SLIT3: variants seen among roughly 807,000 people sequenced by gnomAD.
The protein encoded by SLIT3 is slit guidance ligand 3.
SLIT3 carries 68 observed loss-of-function variants against 184.0 expected under a neutral mutation model. The ratio of observed to expected loss-of-function variants is 0.37; its 90% CI spans 0.30 to 0.45. SLIT3 has a LOEUF of 0.45. Among genes scored for constraint, SLIT3 ranks in the 20% least tolerant of loss-of-function variants. SLIT3 has a pLI of 1.00. For missense variants in SLIT3, 1,707 were observed against 2,026.0 expected, an observed-to-expected ratio of 0.84 and a Z score of 3.02; for synonymous variants, 831 against 828.6, an observed-to-expected ratio of 1.00 and a Z score of -0.05.
chr5:168,991,626 A>T (rs961303614), intron 4 of SLIT3, among the ~76,000 whole-genome samples: 1 of 152,234 alleles, frequency 6.6e-6, no homozygotes, highest in African/African-American at 2.4e-5. Context: ...GGGATCTATC[A>T]GGGAGGACGA....
At chr5:169,262,852 A>G (rs1766244615) in intron 1 of SLIT3, among the ~76,000 whole-genome samples, 1 of 152,208 alleles carries the variant, frequency 6.6e-6, no homozygotes, top group Non-Finnish European at 1.5e-5. Flanking sequence ...AGAAGCCCTC[A>G]AAGTCCTGCG....
At chr5:168,852,783 T>C (rs1758725979) in intron 5 of SLIT3, among the ~76,000 whole-genome samples, 1 of 152,236 alleles carries the variant, frequency 6.6e-6, no homozygotes, top group Non-Finnish European at 1.5e-5. Context: ...TTTGTAACTA[T>C]GCAAACTAAG....
intron 31 of SLIT3, among the ~76,000 whole-genome samples, chr5:168,685,155 G>T (rs1470073876): frequency 2.6e-5 from 4 of 152,084 alleles, no homozygotes; most frequent in Non-Finnish European, 5.9e-5. Flanking sequence ...CACCATGTTG[G>T]CCAGGTTGGT....
rs758787161 is a variant in SLIT3 at position 168,671,386 on chromosome 5, G to A, written c.3939C>T (p.Asn1313=). 3.3e-5 allele frequency: 53 copies of A among 1,614,030 alleles called. No individual in the cohort carries two copies. The highest frequency in any genetic ancestry group is 4.4e-5 in the South Asian group (4 of 91,088). The change falls in exon 34 of 36, where the codon AAC becomes AAT. Residue 1313 remains asparagine, a synonymous_variant. Transcript: ENST00000519560. ...HGCIHEVRIN[N]ELQDFKALPP... ...GGAGGGCCTTGAAGTCCTGCAGCTC[G>A]TTGTTGATGCGCACCTCATGGATGC...
chr5:169,292,648 C>A (rs1767394236), intron 1 of SLIT3, among the ~76,000 whole-genome samples: 1 of 152,166 alleles, frequency 6.6e-6, no homozygotes, highest in Middle Eastern at 3.4e-3. Context: ...ATCCATAGGG[C>A]AAGCTCATTA....
intron 6 of SLIT3, among the ~76,000 whole-genome samples, chr5:168,830,264 T>C (rs999773594): frequency 6.6e-6 from 1 of 152,100 alleles, no homozygotes; most frequent in East Asian, 1.9e-4. Context: ...AGGGCCTCCA[T>C]CCTCAGCACC....
At chr5:168,970,022 A>G (rs1014156417) in intron 4 of SLIT3, among the ~76,000 whole-genome samples, 31 of 152,192 alleles carry the variant, frequency 2.0e-4, no homozygotes, top group African/African-American at 7.5e-4. Flanking sequence ...TCTACTGAAA[A>G]TACAAAAAAT....
At chr5:169,228,286 C>T (rs1251621485) in intron 3 of SLIT3, among the ~76,000 whole-genome samples, 1 of 152,046 alleles carries the variant, frequency 6.6e-6, no homozygotes, top group Non-Finnish European at 1.5e-5. Context: ...GGGAGAGAAC[C>T]TGAGGTCAAG....
intron 1 of SLIT3, among the ~76,000 whole-genome samples, chr5:169,276,912 T>C (rs1766826517): frequency 6.6e-6 from 1 of 152,234 alleles, no homozygotes; most frequent in African/African-American, 2.4e-5. Flanking sequence ...AAAATCTACA[T>C]CATATAAGTT....
chr5:168,940,750 A>C (rs1399160650), intron 4 of SLIT3, among the ~76,000 whole-genome samples: 2 of 152,192 alleles, frequency 1.3e-5, no homozygotes, highest in Admixed American at 1.3e-4. Flanking sequence ...TGCCTAATAA[A>C]TTGAAAGCTG....
intron 4 of SLIT3, among the ~76,000 whole-genome samples, chr5:169,127,636 A>C (rs1761130626): frequency 6.6e-6 from 1 of 152,232 alleles, no homozygotes; most frequent in Non-Finnish European, 1.5e-5. Flanking sequence ...TATTCTGGAC[A>C]TGAGAGCAGG....
intron 4 of SLIT3, among the ~76,000 whole-genome samples, chr5:169,039,172 G>A (rs1757361056): frequency 6.6e-6 from 1 of 152,044 alleles, no homozygotes. Context: ...CACTGGGAAA[G>A]GCAGCACACC....
chr5:168,688,287 G>A (rs1262164498), intron 29 of SLIT3, among the ~76,000 whole-genome samples: 1 of 152,220 alleles, frequency 6.6e-6, no homozygotes, highest in Non-Finnish European at 1.5e-5. Context: ...GTCAGAGGAG[G>A]AGGCGGCATG....
chr5:168,816,540 C>A (rs1263574323), intron 8 of SLIT3, among the ~76,000 whole-genome samples: 1 of 151,524 alleles, frequency 6.6e-6, no homozygotes, highest in Non-Finnish European at 1.5e-5. Context: ...GGTTACTCAG[C>A]CACCTCCCAT....
At chr5:169,063,441 T>A (rs1218741318) in intron 4 of SLIT3, among the ~76,000 whole-genome samples, 1 of 152,218 alleles carries the variant, frequency 6.6e-6, no homozygotes, top group Non-Finnish European at 1.5e-5. Context: ...TCGATTCTCT[T>A]GTGGCTGACA....
intron 4 of SLIT3, among the ~76,000 whole-genome samples, chr5:169,184,052 C>A (rs1192551827): frequency 2.0e-5 from 3 of 152,236 alleles, no homozygotes; most frequent in African/African-American, 4.8e-5. Flanking sequence ...TAAAACCCAA[C>A]TCTACCTTTG....
At chr5:169,040,078 A>T (rs1757395263) in intron 4 of SLIT3, among the ~76,000 whole-genome samples, 1 of 152,212 alleles carries the variant, frequency 6.6e-6, no homozygotes, top group South Asian at 2.1e-4. Flanking sequence ...AGATATAAAC[A>T]GTTTAACTTG....
intron 3 of SLIT3, among the ~76,000 whole-genome samples, chr5:169,238,964 G>A (rs1203633120): frequency 6.6e-6 from 1 of 152,080 alleles, no homozygotes; most frequent in Non-Finnish European, 1.5e-5. Flanking sequence ...CCTCTTCTCA[G>A]GGTCCTAAGA....
intron 18 of SLIT3, among the ~76,000 whole-genome samples, chr5:168,752,132 C>T (rs565059305): frequency 4.6e-5 from 7 of 152,294 alleles, no homozygotes; most frequent in Admixed American, 1.3e-4. Context: ...TGGACAAAGA[C>T]GAGATGGCCC....
Sources: allele counts gnomAD v4.1 joint callset (sites outside exome capture counted in the v4.1 genomes callset), GRCh38; gene constraint gnomAD v4.1.1; transcripts MANE v1.5; gene names NCBI Gene and HGNC (gene_info 2026-07-23, HGNC 2026-07-21).